CEP192: variants seen among roughly 807,000 people sequenced by gnomAD.
CEP192 encodes centrosomal protein 192, also known as centrosomal protein of 192 kDa.
CEP192 carries 151 observed loss-of-function variants against 271.8 expected under a neutral mutation model. The ratio of observed to expected loss-of-function variants is 0.56; its 90% CI spans 0.49 to 0.64. The LOEUF is 0.64. CEP192 is among the 30% of genes least tolerant of loss of function. The probability of loss-of-function intolerance (pLI) is 0.00; values close to 1 mark genes in which losing one functional copy is unlikely to be tolerated. For synonymous variants in CEP192, 995 were observed against 1,076.5 expected (o/e 0.92, Z 1.48); for missense variants, 2,910 against 3,020.5 (o/e 0.96, Z 0.86).
In CEP192 at chr18:13,071,183, T is replaced by C. The variant is rs2037992953; in HGVS notation, c.5319T>C (p.Ala1773=). ...PSILSNKQFL[A]WGGVPLGRTQ... is the part of the protein sequence containing the mutation. ...TTTTGTCCAACAAACAATTTCTGGC[T>C]TGGGGAGGAGTCCCTCTAGGTAGAA... Residue 1773 remains alanine (A), a synonymous_variant, in exon 28 of 45, where the codon GCT becomes GCC. Transcript: ENST00000506447. The C allele has an allele frequency of 6.2e-7, 1 of 1,614,106 alleles. No individual in the cohort carries two copies. The highest frequency in any genetic ancestry group is 8.5e-7 in the Non-Finnish European group (1 of 1,179,980).
At chr18:13,095,717 T>A (rs1376300455) in intron 35 of CEP192, 36 bp downstream of exon 35, 1 of 1,576,600 alleles carries the variant, frequency 6.3e-7, no homozygotes, top group African/African-American at 1.4e-5. Flanking sequence ...AGAGGTGTGT[T>A]CCGGCGTCCG....
chr18:13,099,178 GA>G (rs1161393261), intron 36 of CEP192, among the ~76,000 whole-genome samples: 3 of 149,674 alleles, frequency 2.0e-5, no homozygotes, highest in South Asian at 4.3e-4. Context: ...TGGGGAGAGG[GA>G]GGGGGAGGGG....
intron 21 of CEP192, among the ~76,000 whole-genome samples, chr18:13,060,871 C>T (rs942107960): frequency 2.0e-5 from 3 of 151,648 alleles, no homozygotes; most frequent in Admixed American, 6.6e-5. Context: ...CTATAGTGAA[C>T]TATGATCACA....
intron 3 of CEP192, among the ~76,000 whole-genome samples, chr18:13,003,453 A>G (rs1257669422): frequency 8.4e-4 from 18 of 21,318 alleles, no homozygotes; most frequent in African/African-American, 1.1e-3. Context: ...TGTCTCAAGA[A>G]AAAAAAAAAA....
At chr18:13,068,828 C>T (rs115027175) in intron 24 of CEP192, 24 bp from the exon 25 acceptor site, 1 of 1,613,814 alleles carries the variant, frequency 6.2e-7, no homozygotes, top group African/African-American at 1.3e-5. Flanking sequence ...GGTCTCCAAG[C>T]TAAAAGAATG....
At chr18:13,062,034 C>G (rs1316428644) in intron 21 of CEP192, among the ~76,000 whole-genome samples, 1 of 152,180 alleles carries the variant, frequency 6.6e-6, no homozygotes, top group African/African-American at 2.4e-5. Context: ...ATTGCTGTGT[C>G]CCGAGCGGCT....
intron 3 of CEP192, among the ~76,000 whole-genome samples, chr18:13,006,941 T>G (rs1160441197): frequency 6.6e-6 from 1 of 152,198 alleles, no homozygotes; most frequent in African/African-American, 2.4e-5. Context: ...GGCTGTTGTC[T>G]CTGGAGTGGG....
chr18:13,059,404 G>A, intron 21 of CEP192, 92 bp downstream of exon 21: 1 of 976,066 alleles, frequency 1.0e-6, no homozygotes, highest in South Asian at 1.6e-5. Flanking sequence ...AGAAATTTGT[G>A]GACGAAGGTG....
intron 9 of CEP192, among the ~76,000 whole-genome samples, chr18:13,027,247 G>GT (rs1407900413): frequency 6.6e-6 from 1 of 152,120 alleles, no homozygotes; most frequent in African/African-American, 2.4e-5. Flanking sequence ...GTTTGTTCTT[G>GT]TTTTTTCTAA....
In CEP192 at chr18:13,088,895, A is replaced by T. The variant is rs116631053; in HGVS notation, c.5994-561A>T. On this transcript the variant is annotated intron_variant, in intron 32 of 44. Transcript: ENST00000506447. ...ATAGAAACTGACATTTGGAGAAATC[A>T]CATTATGAGGTATTCTGATGTTTTT... The T allele has an allele frequency of 4.0e-3, 1,774 of 446,362 alleles. 25 individuals are homozygous for T. Among genetic ancestry groups the T allele is most frequent in the African/African-American group, 0.033 (1,632 of 49,680 alleles). The allele number at this position is 446,362 out of a possible 1,614,324, so 27.7% of individuals were successfully genotyped here. A position where few individuals can be genotyped will look rare whatever the true frequency, so the allele number is the denominator to read the frequency against.
chr18:13,071,236 C>CTTT, intron 28 of CEP192, 24 bp downstream of exon 28: 1 of 1,590,624 alleles, frequency 6.3e-7, no homozygotes, highest in African/African-American at 1.3e-5. Context: ...ACTGACAAAT[C>CTTT]GTCCACTATT....
At chr18:13,097,887 A>G (rs1031473593) in intron 36 of CEP192, among the ~76,000 whole-genome samples, 2 of 152,178 alleles carry the variant, frequency 1.3e-5, no homozygotes, top group African/African-American at 2.4e-5. Context: ...TTAGCAAAGC[A>G]CATCTTGCAC....
intron 41 of CEP192, 84 bp downstream of exon 41, chr18:13,113,789 A>G: frequency 3.2e-6 from 4 of 1,231,876 alleles, no homozygotes; most frequent in Non-Finnish European, 4.5e-6. Flanking sequence ...TTGGCCTGAA[A>G]ATGCAGAATA....
Position 13,030,570 on chromosome 18 carries a change from C to T in CEP192, c.1496C>T (p.Ser499Phe). Residue 499 changes from serine to phenylalanine, a missense_variant, in exon 11 of 45, where the codon TCT (serine) becomes TTT (phenylalanine). Ser to Phe is a radical substitution (Grantham distance 155). Coordinates refer to ENST00000506447, the MANE Select transcript of CEP192 (RefSeq NM_032142.4). ...SFNSKQNLNVSLSDEMNEDFR... is the reference protein window; with the variant it reads ...SFNSKQNLNVFLSDEMNEDFR... ...AATAGCAAACAAAATTTAAATGTGT[C>T]TCTAAGTGATGAGATGAATGAAGAC... The T allele has an allele frequency of 6.2e-7, 1 of 1,611,414 alleles. No homozygotes were observed. The highest frequency in any genetic ancestry group is 1.7e-5 in the Admixed American group (1 of 60,000).
chr18:13,022,677 A>T (rs1291355257), intron 9 of CEP192, among the ~76,000 whole-genome samples: 1 of 152,202 alleles, frequency 6.6e-6, no homozygotes. Flanking sequence ...CACCATGCCC[A>T]GCCTGTGTAA....
At chr18:13,007,957 G>A (rs1211057320) in intron 3 of CEP192, among the ~76,000 whole-genome samples, 1 of 152,152 alleles carries the variant, frequency 6.6e-6, no homozygotes, top group Non-Finnish European at 1.5e-5. Context: ...AGGGTGGGAG[G>A]AACATTGCCT....
chr18:13,097,253 G>C (rs1047633712), intron 36 of CEP192, among the ~76,000 whole-genome samples: 1 of 152,066 alleles, frequency 6.6e-6, no homozygotes, highest in Non-Finnish European at 1.5e-5. Flanking sequence ...AGACAATCTT[G>C]CCCTTTCATT....
At chr18:13,066,076 T>C (rs2037683280) in intron 21 of CEP192, among the ~76,000 whole-genome samples, 1 of 152,188 alleles carries the variant, frequency 6.6e-6, no homozygotes, top group Non-Finnish European at 1.5e-5. Context: ...CATTAATATG[T>C]AACTTCAATA....
chr18:13,036,916 C>T (rs370970806), intron 11 of CEP192, among the ~76,000 whole-genome samples: 1 of 152,234 alleles, frequency 6.6e-6, no homozygotes, highest in East Asian at 1.9e-4. Flanking sequence ...CACCAGCATT[C>T]ATGGATGAGT....
Sources: gnomAD v4.1 joint callset for allele counts (sites outside exome capture counted in the v4.1 genomes callset) on GRCh38, gnomAD v4.1.1 for gene constraint, MANE v1.5 for transcripts, NCBI Gene and HGNC (gene_info 2026-07-23, HGNC 2026-07-21) for gene names.